SSBP2: variants seen among roughly 807,000 people sequenced by gnomAD.
SSBP2 encodes single-stranded DNA-binding protein 2.
Under a neutral mutation model 61.8 loss-of-function variants are expected in SSBP2, and 17 were observed. The observed-to-expected ratio is 0.28, with a 90% confidence interval of 0.19 to 0.41. The LOEUF (loss-of-function observed/expected upper bound fraction) is 0.41. Ranked by LOEUF, SSBP2 falls within the 10% of genes least tolerant of loss-of-function variation. The probability of loss-of-function intolerance (pLI) is 1.00; values close to 1 mark genes in which losing one functional copy is unlikely to be tolerated. For missense variants in SSBP2, 310 were observed against 458.7 expected (o/e 0.68, Z 2.96); for synonymous variants, 139 against 141.3 (o/e 0.98, Z 0.12).
intron 4 of SSBP2, among the ~76,000 whole-genome samples, chr5:81,558,518 T>C (rs1354785630): frequency 6.6e-6 from 1 of 151,860 alleles, no homozygotes; most frequent in Admixed American, 6.5e-5. Context: ...TGAACATGAA[T>C]AAATATGAAC....
intron 5 of SSBP2, among the ~76,000 whole-genome samples, chr5:81,493,834 G>C (rs1194017790): frequency 6.6e-6 from 1 of 152,090 alleles, no homozygotes; most frequent in East Asian, 1.9e-4. Flanking sequence ...CTGGGCTCAA[G>C]TGATTATCCT....
chr5:81,747,033 G>GGA, intron 1 of SSBP2, among the ~76,000 whole-genome samples: 1 of 128,890 alleles, frequency 7.8e-6, no homozygotes, highest in Non-Finnish European at 1.7e-5. Flanking sequence ...GGGGGGGGGG[G>GGA]GAATCTGAAG....
intron 1 of SSBP2, among the ~76,000 whole-genome samples, chr5:81,725,181 C>T (rs1014798048): frequency 4.0e-5 from 6 of 151,882 alleles, no homozygotes; most frequent in East Asian, 3.9e-4. Flanking sequence ...GAGTGAGCCA[C>T]GTGAATAAGG....
chr5:81,567,033 T>G (rs1309480704), intron 4 of SSBP2, among the ~76,000 whole-genome samples: 3 of 152,108 alleles, frequency 2.0e-5, no homozygotes, highest in Admixed American at 2.0e-4. Context: ...GTTTGGAAAA[T>G]TTGCAGCCTG....
intron 5 of SSBP2, among the ~76,000 whole-genome samples, chr5:81,500,893 A>G (rs1236277488): frequency 6.6e-6 from 1 of 151,918 alleles, no homozygotes; most frequent in Non-Finnish European, 1.5e-5. Context: ...GCACAAATTA[A>G]AGTTATTTCT....
chr5:81,518,173 TAG>T (rs1351584815), intron 4 of SSBP2, among the ~76,000 whole-genome samples: 13 of 152,176 alleles, frequency 8.5e-5, no homozygotes, highest in African/African-American at 2.4e-4. Flanking sequence ...AAGATAATAA[TAG>T]AGAAATTAAA....
chr5:81,577,803 TTAAC>T (rs1774343641), intron 4 of SSBP2, among the ~76,000 whole-genome samples: 1 of 152,008 alleles, frequency 6.6e-6, no homozygotes, highest in Non-Finnish European at 1.5e-5. Flanking sequence ...TATGTCAAGA[TTAAC>T]CTTCACAATG....
In SSBP2 at chr5:81,430,735, A is replaced by G. The variant is rs112918546; in HGVS notation, c.958-2052T>C. On this transcript the variant is annotated intron_variant, in intron 15 of 16. Transcript: ENST00000320672. ...ATTATACTCTTCTGTGTGTGTGTGT[A>G]TGTGTGGTGGGGACGGGTATTTAAG... is the stretch of plus-strand genomic sequence containing the variant. Among the ~76,000 whole-genome samples, 11 of 148,360 alleles carry G rather than the reference A, an allele frequency of 7.4e-5. No homozygotes were observed. The South Asian group carries it at 2.3e-3, about 32-fold the overall frequency.
chr5:81,451,249 C>G (rs1258566663), intron 10 of SSBP2, among the ~76,000 whole-genome samples: 2 of 152,042 alleles, frequency 1.3e-5, no homozygotes, highest in African/African-American at 4.8e-5. Context: ...TACATTGAAG[C>G]TATCGTGCTC....
chr5:81,643,044 T>C (rs1748931108), intron 2 of SSBP2, among the ~76,000 whole-genome samples: 1 of 152,180 alleles, frequency 6.6e-6, no homozygotes, highest in Non-Finnish European at 1.5e-5. Context: ...ATTCTGAAAA[T>C]CACATTTCCT....
chr5:81,627,710 CA>C (rs1381359870), intron 3 of SSBP2, among the ~76,000 whole-genome samples: 1 of 152,068 alleles, frequency 6.6e-6, no homozygotes, highest in Non-Finnish European at 1.5e-5. Flanking sequence ...GATATAAATA[CA>C]GGGGACCAAA....
At chr5:81,551,096 GAAAAAAAAAAA>G (rs35816072) in intron 4 of SSBP2, among the ~76,000 whole-genome samples, 1 of 80,222 alleles carries the variant, frequency 1.2e-5, no homozygotes, top group African/African-American at 4.2e-5. Flanking sequence ...ACTCCATCTC[GAAAAAAAAAAA>G]AAAAAAAAGA....
chr5:81,642,935 C>A (rs1748918748), intron 2 of SSBP2, among the ~76,000 whole-genome samples: 2 of 152,110 alleles, frequency 1.3e-5, no homozygotes, highest in African/African-American at 4.8e-5. Context: ...CTTAATTTTT[C>A]ATTCTTATTT....
intron 4 of SSBP2, among the ~76,000 whole-genome samples, chr5:81,519,733 T>C (rs1448415610): frequency 6.6e-6 from 1 of 152,154 alleles, no homozygotes; most frequent in Non-Finnish European, 1.5e-5. Context: ...GATGACTTCG[T>C]GGAGCAGAGT....
At chr5:81,669,348 T>C (rs1168970511) in intron 1 of SSBP2, among the ~76,000 whole-genome samples, 2 of 152,174 alleles carry the variant, frequency 1.3e-5, no homozygotes, top group Non-Finnish European at 2.9e-5. Flanking sequence ...AACTGAAAAC[T>C]TATGTCCACA....
intron 6 of SSBP2, among the ~76,000 whole-genome samples, chr5:81,482,131 A>G (rs1766036993): frequency 6.6e-6 from 1 of 152,014 alleles, no homozygotes; most frequent in Admixed American, 6.5e-5. Context: ...TTTGGTAGAG[A>G]TGGGGTTTCA....
chr5:81,599,825 A>C (rs553776286), intron 4 of SSBP2, among the ~76,000 whole-genome samples: 2 of 152,280 alleles, frequency 1.3e-5, no homozygotes, highest in African/African-American at 4.8e-5. Context: ...AAGCTCAACA[A>C]ATTCTGAACT....
At chr5:81,608,061 C>A (rs1264602516) in intron 4 of SSBP2, among the ~76,000 whole-genome samples, 1 of 151,980 alleles carries the variant, frequency 6.6e-6, no homozygotes, top group Non-Finnish European at 1.5e-5. Flanking sequence ...CTTTTTCACA[C>A]CTTTCTATCC....
At chr5:81,560,365 T>C (rs1772950552) in intron 4 of SSBP2, among the ~76,000 whole-genome samples, 1 of 152,166 alleles carries the variant, frequency 6.6e-6, no homozygotes, top group Admixed American at 6.5e-5. Flanking sequence ...CTATAAACTC[T>C]GTACTGCCAA....
Sources: gnomAD v4.1 joint callset for allele counts (sites outside exome capture counted in the v4.1 genomes callset) on GRCh38, gnomAD v4.1.1 for gene constraint, MANE v1.5 for transcripts, NCBI Gene and HGNC (gene_info 2026-07-23, HGNC 2026-07-21) for gene names.